Variants in LINGO2 observed in about 807,000 individuals in gnomAD.
LINGO2 encodes leucine rich repeat and Ig domain containing 2.
LINGO2 carries 14 observed loss-of-function variants against 30.6 expected under a neutral mutation model. The ratio of observed to expected loss-of-function variants is 0.46; its 90% CI spans 0.30 to 0.72. The LOEUF (loss-of-function observed/expected upper bound fraction) is 0.72, where lower values mean the gene tolerates loss of function less well. LINGO2 is among the 30% of genes least tolerant of loss of function. The probability of loss-of-function intolerance (pLI) is 0.07; values close to 1 mark genes in which losing one functional copy is unlikely to be tolerated. For missense variants in LINGO2, 729 were observed against 751.7 expected (o/e 0.97, Z 0.35); for synonymous variants, 317 against 288.5 (o/e 1.10, Z -1.00).
At chr9:29,121,277 G>A in the LINGO2 span, among the ~76,000 whole-genome samples, 4 of 152,112 alleles carry the variant, frequency 2.6e-5, no homozygotes, top group Non-Finnish European at 5.9e-5. Context: ...TAATCAGTAA[G>A]TTTGTATACT....
At chr9:28,391,754 A>ATTATTT in intron 2 of LINGO2, among the ~76,000 whole-genome samples, 1 of 152,198 alleles carries the variant, frequency 6.6e-6, no homozygotes, top group East Asian at 1.9e-4. Flanking sequence ...ATTCTTTATA[A>ATTATTT]TTATTTTTGA....
intron 4 of LINGO2, among the ~76,000 whole-genome samples, chr9:28,258,739 T>G (rs1052936579): frequency 3.9e-5 from 6 of 151,946 alleles, no homozygotes; most frequent in Admixed American, 2.0e-4. Context: ...TTACAGACAT[T>G]GGGATATTAT....
At chr9:28,895,744 G>C in the LINGO2 span, among the ~76,000 whole-genome samples, 22 of 152,026 alleles carry the variant, frequency 1.4e-4, no homozygotes, top group African/African-American at 5.3e-4. Context: ...TCACAGGAGG[G>C]AGAACCGAGG....
the LINGO2 span, among the ~76,000 whole-genome samples, chr9:29,201,475 T>C: frequency 5.7e-4 from 87 of 152,194 alleles, 1 homozygote; most frequent in South Asian, 0.017. Flanking sequence ...ATGAAAGTTA[T>C]CAATTAAGCC....
At chr9:29,170,380 A>G in the LINGO2 span, among the ~76,000 whole-genome samples, 4 of 152,174 alleles carry the variant, frequency 2.6e-5, no homozygotes, top group African/African-American at 9.7e-5. Flanking sequence ...TCTCACTTAT[A>G]TGAGGGTGCT....
chr9:28,506,510 A>ATG (rs1820143135), intron 1 of LINGO2, among the ~76,000 whole-genome samples: 1 of 130,298 alleles, frequency 7.7e-6, no homozygotes, highest in African/African-American at 2.7e-5. Context: ...ACAGACATAT[A>ATG]TATATATATA....
chr9:28,737,977 T>C, the LINGO2 span, among the ~76,000 whole-genome samples: 39 of 152,224 alleles, frequency 2.6e-4, no homozygotes, highest in African/African-American at 8.4e-4. Context: ...CAACATCAAT[T>C]TGTTTTTTTC....
intron 4 of LINGO2, among the ~76,000 whole-genome samples, chr9:28,215,992 T>G (rs1820753869): frequency 6.6e-6 from 1 of 151,764 alleles, no homozygotes; most frequent in Non-Finnish European, 1.5e-5. Context: ...CCATAAAAAA[T>G]GAACACATTA....
At chr9:28,386,407 C>T (rs1486827127) in intron 2 of LINGO2, among the ~76,000 whole-genome samples, 2 of 152,086 alleles carry the variant, frequency 1.3e-5, no homozygotes, top group Non-Finnish European at 1.5e-5. Context: ...CTAAACTGTA[C>T]ATATCCTGTT....
intron 1 of LINGO2, among the ~76,000 whole-genome samples, chr9:28,490,004 T>C (rs937986303): frequency 6.6e-6 from 1 of 151,472 alleles, no homozygotes; most frequent in African/African-American, 2.4e-5. Context: ...ATTTATATAA[T>C]CTTTTATAAG....
the LINGO2 span, among the ~76,000 whole-genome samples, chr9:29,019,386 G>A: frequency 1.6e-4 from 25 of 152,212 alleles, no homozygotes; most frequent in Middle Eastern, 0.01. Flanking sequence ...GACTAGTGTA[G>A]GCATTACAGT....
intron 3 of LINGO2, among the ~76,000 whole-genome samples, chr9:28,357,325 C>CA (rs1554710553): frequency 6.8e-6 from 1 of 146,050 alleles, no homozygotes; most frequent in African/African-American, 2.5e-5. Flanking sequence ...GCCCACCCCC[C>CA]CCAAAAAAGA....
At chr9:28,244,370 G>T (rs1821920846) in intron 4 of LINGO2, among the ~76,000 whole-genome samples, 1 of 152,026 alleles carries the variant, frequency 6.6e-6, no homozygotes, top group Non-Finnish European at 1.5e-5. Flanking sequence ...ACATCAGAAA[G>T]CTAGAAAGAT....
At chr9:28,393,035 T>C (rs1020660931) in intron 2 of LINGO2, among the ~76,000 whole-genome samples, 9 of 152,232 alleles carry the variant, frequency 5.9e-5, no homozygotes, top group Non-Finnish European at 1.3e-4. Context: ...ATTTGACTAA[T>C]GAATCCCTCA....
chr9:28,367,781 A>G (rs181016103), intron 3 of LINGO2, among the ~76,000 whole-genome samples: 111 of 152,154 alleles, frequency 7.3e-4, no homozygotes, highest in African/African-American at 2.6e-3. Flanking sequence ...AATTCCGGCT[A>G]TTAGTTTGCA....
chr9:28,832,050 T>G, the LINGO2 span, among the ~76,000 whole-genome samples: 1 of 152,182 alleles, frequency 6.6e-6, no homozygotes, highest in Non-Finnish European at 1.5e-5. Flanking sequence ...TATATGCATT[T>G]TATTTTATTT....
At chr9:28,019,330 T>TTCC (rs1554659386) in intron 4 of LINGO2, among the ~76,000 whole-genome samples, 6 of 150,436 alleles carry the variant, frequency 4.0e-5, no homozygotes, top group South Asian at 2.1e-4. Context: ...TTTTTTTTTT[T>TTCC]CCATTCCTTA....
At chr9:29,135,746 A>C in the LINGO2 span, among the ~76,000 whole-genome samples, 3 of 152,070 alleles carry the variant, frequency 2.0e-5, no homozygotes, top group Non-Finnish European at 4.4e-5. Context: ...TGCAGAACTG[A>C]ACCTCTATAT....
chr9:28,070,765 G>A (rs1438507835), intron 4 of LINGO2, among the ~76,000 whole-genome samples: 2 of 152,230 alleles, frequency 1.3e-5, no homozygotes, highest in East Asian at 3.9e-4. Context: ...AGGCTTGAGT[G>A]CAGTGGCATG....
Sources: allele counts gnomAD v4.1 joint callset (sites outside exome capture counted in the v4.1 genomes callset), GRCh38; gene constraint gnomAD v4.1.1; transcripts MANE v1.5; gene names NCBI Gene and HGNC (gene_info 2026-07-23, HGNC 2026-07-21).